The following EPHA6 variants were observed in gnomAD, a reference collection of about 807,000 sequenced individuals.
The protein encoded by EPHA6 is EPH receptor A6.
Under a neutral mutation model 112.0 loss-of-function variants are expected in EPHA6, and 50 were observed. The ratio of observed to expected loss-of-function variants is 0.45; its 90% CI spans 0.36 to 0.56. The LOEUF (loss-of-function observed/expected upper bound fraction) is 0.56, where lower values mean the gene tolerates loss of function less well. EPHA6 is among the 20% of genes least tolerant of loss of function. The probability of loss-of-function intolerance (pLI) is 0.00; values close to 1 mark genes in which losing one functional copy is unlikely to be tolerated. For missense variants in EPHA6, 1,280 were observed against 1,417.4 expected, an observed-to-expected ratio of 0.90 and a Z score of 1.56; for synonymous variants, 529 against 490.7, an observed-to-expected ratio of 1.08 and a Z score of -1.03.
rs116021932 is a variant in EPHA6 at position 97,130,790 on chromosome 3, G to A, written c.1115-95474G>A. On this transcript the variant is annotated intron_variant, in intron 3 of 17. Transcript: ENST00000389672. ...AGACTATGCCTATTCTAGGCTATGG[G>A]TACTTTCCTAGATCTGTTAAAAGTG... Among the ~76,000 whole-genome samples, 1,112 of 152,126 alleles carry A rather than the reference G, an allele frequency of 7.3e-3. 11 individuals carry two copies. Among genetic ancestry groups the A allele is most frequent in the African/African-American group, 0.026 (1,061 of 41,528 alleles).
At chr3:97,347,336 AT>A (rs2083583451) in intron 5 of EPHA6, among the ~76,000 whole-genome samples, 1 of 152,102 alleles carries the variant, frequency 6.6e-6, no homozygotes, top group African/African-American at 2.4e-5. Flanking sequence ...TTATCAATTG[AT>A]ACTAACTTTT....
intron 6 of EPHA6, among the ~76,000 whole-genome samples, chr3:97,411,659 A>C (rs1279725698): frequency 6.6e-6 from 1 of 152,078 alleles, no homozygotes; most frequent in Non-Finnish European, 1.5e-5. Flanking sequence ...TTTCTTTTCT[A>C]TCTCTAGGCT....
intron 14 of EPHA6, among the ~76,000 whole-genome samples, chr3:97,645,855 A>G (rs1027887353): frequency 6.6e-6 from 1 of 152,116 alleles, no homozygotes; most frequent in Non-Finnish European, 1.5e-5. Context: ...CTGTGTAACT[A>G]TAATTGCTAT....
intron 3 of EPHA6, among the ~76,000 whole-genome samples, chr3:97,146,272 A>C (rs1427224974): frequency 6.6e-6 from 1 of 151,712 alleles, no homozygotes; most frequent in East Asian, 1.9e-4. Flanking sequence ...TTCTTAGTGT[A>C]GTTTTCTCTG....
intron 11 of EPHA6, among the ~76,000 whole-genome samples, chr3:97,581,439 G>A (rs1033058358): frequency 3.3e-5 from 5 of 152,122 alleles, no homozygotes; most frequent in African/African-American, 1.2e-4. Context: ...AACATGCCAT[G>A]CCAAGTTCTA....
At chr3:97,395,833 G>A (rs1418468890) in intron 5 of EPHA6, among the ~76,000 whole-genome samples, 2 of 151,528 alleles carry the variant, frequency 1.3e-5, no homozygotes, top group Non-Finnish European at 3.0e-5. Context: ...AGTAAAGAAG[G>A]AAGGCAGGGG....
intron 5 of EPHA6, among the ~76,000 whole-genome samples, chr3:97,347,315 A>G (rs929400574): frequency 5.3e-5 from 8 of 152,120 alleles, no homozygotes; most frequent in African/African-American, 1.9e-4. Context: ...CAGTATTCAG[A>G]TATATTCACC....
rs566630824 is a variant in EPHA6 at position 97,056,415 on chromosome 3, A to G, written c.1114+68422A>G. On this transcript the variant is annotated intron_variant, in intron 3 of 17. Coordinates refer to ENST00000389672, the MANE Select transcript of EPHA6 (RefSeq NM_001080448.3). ...AACATTTTCACAAATCTGTTCTTTTATCAGCATCCCATAATAGGTAGCAAA... is the reference window on the plus strand; with the variant it reads ...AACATTTTCACAAATCTGTTCTTTTGTCAGCATCCCATAATAGGTAGCAAA... Among the ~76,000 whole-genome samples the G allele has an allele frequency of 7.2e-5, 11 of 152,282 alleles. 2 individuals are homozygous for G. Among genetic ancestry groups the G allele is most frequent in the African/African-American group, 2.2e-4 (9 of 41,564 alleles).
intron 3 of EPHA6, among the ~76,000 whole-genome samples, chr3:97,138,789 G>T (rs1232659665): frequency 6.6e-6 from 1 of 152,210 alleles, no homozygotes; most frequent in Non-Finnish European, 1.5e-5. Flanking sequence ...GAAGGGTGTG[G>T]CCTGATAGTC....
intron 1 of EPHA6, among the ~76,000 whole-genome samples, chr3:96,836,636 A>G (rs1265167310): frequency 1.3e-5 from 2 of 152,172 alleles, no homozygotes; most frequent in Non-Finnish European, 2.9e-5. Context: ...ACTGTGATTC[A>G]TGTTGGCATT....
At chr3:97,264,939 G>C (rs142036905) in intron 5 of EPHA6, among the ~76,000 whole-genome samples, 96 of 152,298 alleles carry the variant, frequency 6.3e-4, no homozygotes, top group Admixed American at 4.2e-3. Context: ...TCTCAGCAGA[G>C]AGCATAGCTC....
intron 11 of EPHA6, among the ~76,000 whole-genome samples, chr3:97,540,006 A>G (rs910791990): frequency 1.3e-5 from 2 of 152,216 alleles, no homozygotes; most frequent in African/African-American, 2.4e-5. Context: ...TTAGGGAAAG[A>G]GTTATAGGAT....
intron 14 of EPHA6, among the ~76,000 whole-genome samples, chr3:97,673,865 C>T (rs1012650852): frequency 1.3e-5 from 2 of 152,290 alleles, no homozygotes; most frequent in African/African-American, 2.4e-5. Flanking sequence ...CTCTTGCTTT[C>T]GCAATAATTT....
chr3:97,244,419 G>A (rs956122761), intron 5 of EPHA6, 132 bp downstream of exon 5: 1 of 713,318 alleles, frequency 1.4e-6, no homozygotes. Flanking sequence ...TAATGCACTG[G>A]TTGTTGTTCT....
intron 5 of EPHA6, among the ~76,000 whole-genome samples, chr3:97,398,699 G>A (rs960283749): frequency 6.6e-6 from 1 of 151,380 alleles, no homozygotes; most frequent in Non-Finnish European, 1.5e-5. Flanking sequence ...GGTTACCCAA[G>A]AGTAGTCTCT....
chr3:97,290,695 T>C (rs1576856540), intron 5 of EPHA6, among the ~76,000 whole-genome samples: 1 of 152,264 alleles, frequency 6.6e-6, no homozygotes, highest in East Asian at 1.9e-4. Flanking sequence ...TCTTTGATGA[T>C]CTTTTGTATT....
At chr3:97,730,137 G>A (rs1266801698) in intron 15 of EPHA6, among the ~76,000 whole-genome samples, 1 of 152,070 alleles carries the variant, frequency 6.6e-6, no homozygotes, top group Non-Finnish European at 1.5e-5. Context: ...GTTCAGAGAT[G>A]TCTCAATATC....
chr3:97,461,052 C>T (rs145713291), intron 7 of EPHA6, among the ~76,000 whole-genome samples: 2 of 152,112 alleles, frequency 1.3e-5, no homozygotes, highest in African/African-American at 2.4e-5. Flanking sequence ...ACAAGTAACA[C>T]GTGATCATTC....
intron 1 of EPHA6, among the ~76,000 whole-genome samples, chr3:96,856,590 G>A (rs891891663): frequency 2.0e-5 from 3 of 152,128 alleles, no homozygotes; most frequent in African/African-American, 7.2e-5. Flanking sequence ...TAGTGTTATA[G>A]TTGGCAATAC....
Sources: gnomAD v4.1 joint callset for allele counts (sites outside exome capture counted in the v4.1 genomes callset) on GRCh38, gnomAD v4.1.1 for gene constraint, MANE v1.5 for transcripts, NCBI Gene and HGNC (gene_info 2026-07-23, HGNC 2026-07-21) for gene names.